EHMT1: variants seen among roughly 807,000 people sequenced by gnomAD.
EHMT1 encodes the protein euchromatic histone lysine methyltransferase 1.
A neutral mutation model predicts 147.2 loss-of-function variants in EHMT1; 15 were observed. The ratio of observed to expected loss-of-function variants is 0.10; its 90% CI spans 0.07 to 0.16. The LOEUF is 0.16. Ranked by LOEUF, EHMT1 falls within the 10% of genes least tolerant of loss-of-function variation. The pLI, the probability that EHMT1 is intolerant of heterozygous loss-of-function variation, is 1.00. For missense variants in EHMT1, 1,587 were observed against 1,772.4 expected (o/e 0.90, Z 1.88); for synonymous variants, 795 against 709.6 (o/e 1.12, Z -1.91).
intron 3 of EHMT1, among the ~76,000 whole-genome samples, chr9:137,718,037 C>G (rs917395006): frequency 9.3e-5 from 14 of 150,230 alleles, no homozygotes; most frequent in African/African-American, 3.2e-4. Flanking sequence ...CCATGATTTT[C>G]ACACGCAGGG....
chr9:137,779,106 G>C (rs1451830329), intron 13 of EHMT1, among the ~76,000 whole-genome samples: 5 of 152,216 alleles, frequency 3.3e-5, no homozygotes, highest in African/African-American at 1.2e-4. Context: ...ACATTTCAAC[G>C]TGAGTTTTGG....
chr9:137,709,959 C>T (rs969694158), intron 1 of EHMT1, among the ~76,000 whole-genome samples: 4 of 152,160 alleles, frequency 2.6e-5, no homozygotes, highest in African/African-American at 9.7e-5. Flanking sequence ...TCTGGCATCT[C>T]CAACTGCCCA....
chr9:137,716,669 A>T lies in EHMT1; in HGVS notation c.129A>T (p.Ala43=), dbSNP rs76684726. ...AADEGSAEKQ[A]GEAHMAADGE... ...ATGAAGGCTCAGCAGAGAAACAGGC[A>T]GGAGAGGCCCACATGGCTGCGGACG... Residue 43 remains alanine (A), a synonymous_variant, in exon 3 of 27, where the codon GCA becomes GCT. Transcript: ENST00000460843. 14,387 of 1,598,218 alleles carry T rather than the reference A, an allele frequency of 9.0e-3. 829 individuals carry two copies. In the African/African-American group the frequency reaches 0.14, roughly 16 times the overall value.
intron 1 of EHMT1, among the ~76,000 whole-genome samples, chr9:137,699,157 T>C (rs1943633205): frequency 6.6e-6 from 1 of 152,224 alleles, no homozygotes; most frequent in Non-Finnish European, 1.5e-5. Flanking sequence ...GGAAAGGTGA[T>C]GCTGAGCTCT....
intron 1 of EHMT1, among the ~76,000 whole-genome samples, chr9:137,693,561 G>A (rs1291016150): frequency 1.3e-5 from 2 of 151,164 alleles, no homozygotes; most frequent in African/African-American, 4.8e-5. Flanking sequence ...GGTGCAGGAC[G>A]CTGGCCGATA....
At chr9:137,619,539 C>A (rs182684209) in intron 1 of EHMT1, among the ~76,000 whole-genome samples, 1 of 152,120 alleles carries the variant, frequency 6.6e-6, no homozygotes, top group Non-Finnish European at 1.5e-5. Context: ...TCACTTTGTT[C>A]TGAGTAGGAT....
At chr9:137,709,689 A>G (rs868547910) in intron 1 of EHMT1, among the ~76,000 whole-genome samples, 5 of 152,130 alleles carry the variant, frequency 3.3e-5, no homozygotes, top group Middle Eastern at 3.4e-3. Flanking sequence ...TTGATAGTCA[A>G]TTAAAGATGG....
chr9:137,689,432 C>T (rs982099049), intron 1 of EHMT1, among the ~76,000 whole-genome samples: 2 of 152,088 alleles, frequency 1.3e-5, no homozygotes, highest in Non-Finnish European at 2.9e-5. Context: ...CGGCCGGGTG[C>T]GGTGGCTCAT....
intron 3 of EHMT1, among the ~76,000 whole-genome samples, chr9:137,719,395 G>A (rs1032762823): frequency 5.9e-5 from 9 of 152,038 alleles, no homozygotes; most frequent in Admixed American, 2.6e-4. Context: ...GTTGTGGGCC[G>A]GACTGCTGGC....
chr9:137,821,240 C>T (rs949348075), intron 25 of EHMT1, among the ~76,000 whole-genome samples: 2 of 145,918 alleles, frequency 1.4e-5, no homozygotes, highest in East Asian at 2.1e-4. Flanking sequence ...AGGATGGTCT[C>T]GATCTCCTGA....
At chr9:137,792,620 G>A (rs1157096902) in intron 16 of EHMT1, among the ~76,000 whole-genome samples, 1 of 152,182 alleles carries the variant, frequency 6.6e-6, no homozygotes. Flanking sequence ...CAGGAGAATC[G>A]ATTGAACCCG....
At chr9:137,798,122 C>G (rs1953116332) in intron 16 of EHMT1, among the ~76,000 whole-genome samples, 1 of 152,220 alleles carries the variant, frequency 6.6e-6, no homozygotes, top group Admixed American at 6.5e-5. Context: ...TGCCTGTAAT[C>G]CCAGCACTGT....
intron 23 of EHMT1, chr9:137,816,865 G>C (rs1954958994): frequency 5.4e-6 from 1 of 184,792 alleles, no homozygotes; most frequent in African/African-American, 2.4e-5. Context: ...CAGATGGGCA[G>C]ACGCGAGGCA....
chr9:137,631,397 A>AAAAAAT (rs1350481137), intron 1 of EHMT1, among the ~76,000 whole-genome samples: 4 of 152,098 alleles, frequency 2.6e-5, no homozygotes, highest in Admixed American at 6.6e-5. Context: ...TGTCTTGGAA[A>AAAAAAT]AAAAATAAAA....
intron 6 of EHMT1, chr9:137,745,787 G>A (rs985109136): frequency 5.4e-6 from 2 of 367,380 alleles, no homozygotes; most frequent in Middle Eastern, 7.0e-4. Context: ...TGCATTTACA[G>A]TGTAGCACTT....
At chr9:137,723,840 C>T (rs932482972) in intron 3 of EHMT1, among the ~76,000 whole-genome samples, 3 of 152,232 alleles carry the variant, frequency 2.0e-5, no homozygotes, top group Non-Finnish European at 4.4e-5. Flanking sequence ...GTTGTCACGG[C>T]TGCAGTCTCA....
intron 1 of EHMT1, among the ~76,000 whole-genome samples, chr9:137,630,192 CT>C (rs1165078488): frequency 2.0e-5 from 3 of 152,208 alleles, no homozygotes; most frequent in African/African-American, 7.2e-5. Context: ...GTTTTGAGCA[CT>C]TTCTGTTTAT....
intron 4 of EHMT1, among the ~76,000 whole-genome samples, chr9:137,741,959 G>A (rs1391627868): frequency 3.9e-5 from 6 of 152,184 alleles, no homozygotes; most frequent in Non-Finnish European, 7.3e-5. Context: ...GATTATGATA[G>A]TGAGTTTAGG....
intron 25 of EHMT1, among the ~76,000 whole-genome samples, chr9:137,831,786 T>TA (rs1488187337): frequency 6.6e-6 from 1 of 152,250 alleles, no homozygotes; most frequent in Non-Finnish European, 1.5e-5. Flanking sequence ...TTGTTCCTGT[T>TA]AACATGTGGG....
Sources: gnomAD v4.1 joint callset for allele counts (sites outside exome capture counted in the v4.1 genomes callset) on GRCh38, gnomAD v4.1.1 for gene constraint, MANE v1.5 for transcripts, NCBI Gene and HGNC (gene_info 2026-07-23, HGNC 2026-07-21) for gene names.